PHLDB1: variants seen among roughly 807,000 people sequenced by gnomAD.
The protein encoded by PHLDB1 is pleckstrin homology-like domain family B member 1.
A neutral mutation model predicts 139.3 loss-of-function variants in PHLDB1; 65 were observed. The ratio of observed to expected loss-of-function variants is 0.47; its 90% confidence interval spans 0.38 to 0.57. PHLDB1 has a LOEUF of 0.57. PHLDB1 is among the 20% of genes least tolerant of loss of function. The probability of loss-of-function intolerance (pLI) is 0.00; values close to 1 mark genes in which losing one functional copy is unlikely to be tolerated. For missense variants in PHLDB1, 1,624 were observed against 1,839.7 expected (o/e 0.88, Z 2.14); for synonymous variants, 679 against 734.5 (o/e 0.92, Z 1.22).
Position 118,628,507 on chromosome 11 carries a change from C to A in PHLDB1, c.1684C>A (p.Leu562Ile), listed in dbSNP as rs1555106589. 6.2e-7 allele frequency: 1 copy of A among 1,613,158 alleles called. No homozygotes were observed. The highest frequency in any genetic ancestry group is 8.5e-7 in the Non-Finnish European group (1 of 1,180,026). Residue 562 changes from leucine to isoleucine, a missense_variant, in exon 6 of 23, where the codon CTC becomes ATC. Coordinates refer to ENST00000600882, the MANE Select transcript of PHLDB1 (RefSeq NM_001144758.3). ...CCAGAGTCCCTGTGTCCAGAGGAAG[C>A]TCTCCAGCGGGGACTTGCGGGTGCC... ...PCQSPCVQRKLSSGDLRVPVT... is the reference protein window; with the variant it reads ...PCQSPCVQRKISSGDLRVPVT...
intron 6 of PHLDB1, 105 bp downstream of exon 6, chr11:118,628,755 G>T (rs1944295781): frequency 1.2e-5 from 12 of 1,041,642 alleles, no homozygotes; most frequent in Non-Finnish European, 1.4e-6. Context: ...CAGGGCTTCG[G>T]CTTCTCAAGG....
intron 9 of PHLDB1, chr11:118,634,600 C>G (rs572469518): frequency 5.8e-6 from 1 of 172,512 alleles, no homozygotes; most frequent in Non-Finnish European, 1.2e-5. Context: ...GCCCTGCCCC[C>G]ACACCTCTGC....
chr11:118,645,555 C>T lies in PHLDB1; in HGVS notation c.3321C>T (p.His1107=), dbSNP rs782091162. The T allele has an allele frequency of 1.2e-5, 19 of 1,613,474 alleles. No homozygotes were observed. In the East Asian group the frequency reaches 2.0e-4, roughly 17 times the overall value. ...GGGAGCGTGGGGAGGAGGGTGAGCA[C>T]GCCTATGATACGCTGAGTCTGGAGA... is the stretch of plus-strand genomic sequence containing the variant. ...AGRERGEEGE[H]AYDTLSLESS... The change falls in exon 16 of 23, where the codon CAC becomes CAT. Residue 1107 remains histidine, a synonymous_variant. Coordinates refer to ENST00000600882, the MANE Select transcript of PHLDB1 (RefSeq NM_001144758.3). The surrounding 1 kb of genome is among the most constrained non-coding windows in gnomAD (Gnocchi z 5.1).
At chr11:118,649,708 G>A (rs782285319) in intron 18 of PHLDB1, among the ~76,000 whole-genome samples, 50 of 152,092 alleles carry the variant, frequency 3.3e-4, no homozygotes, top group African/African-American at 1.2e-3. Flanking sequence ...GGTCCCATGC[G>A]AAGTCAGAAA....
rs782402085 is a variant in PHLDB1, at chr11:118,632,098, A to G, written c.2241+45A>G. 3 of 1,613,586 alleles carry G rather than the reference A, an allele frequency of 1.9e-6. No homozygotes were observed. The highest frequency in any genetic ancestry group is 2.5e-6 in the Non-Finnish European group (3 of 1,179,632). ...GCTGGACTCTTCCCTAGGCCAACTG[A>G]AGGCCCCAGAGAGGGGCCACAGTCA... On this transcript the variant is annotated intron_variant, in intron 8 of 22. Coordinates refer to ENST00000600882, the MANE Select transcript of PHLDB1 (RefSeq NM_001144758.3). The surrounding 1 kb of genome is among the most constrained non-coding windows in gnomAD (Gnocchi z 5.9).
chr11:118,615,257 A>G (rs1941386762), intron 3 of PHLDB1: 1 of 152,296 alleles, frequency 6.6e-6, no homozygotes, highest in Admixed American at 6.5e-5. Context: ...ACTGAGAGAA[A>G]CAGGAGAACA....
chr11:118,614,728 A>G (rs782286540), intron 3 of PHLDB1, 46 bp downstream of exon 3: 2 of 1,596,190 alleles, frequency 1.3e-6, no homozygotes, highest in East Asian at 2.3e-5. Context: ...CTATCCTTAT[A>G]GGCATTCCTG....
chr11:118,631,883 T>C (rs782798250), intron 7 of PHLDB1, 30 bp from the exon 8 acceptor site: 2 of 1,583,278 alleles, frequency 1.3e-6, no homozygotes, highest in Admixed American at 3.7e-5. Context: ...GCTCTAGGCT[T>C]CCTCAGTTGA....
intron 4 of PHLDB1, among the ~76,000 whole-genome samples, chr11:118,623,738 C>G (rs1253609106): frequency 6.6e-6 from 1 of 152,118 alleles, no homozygotes; most frequent in Non-Finnish European, 1.5e-5. Flanking sequence ...TGTTCCCTAT[C>G]TCAGTTTTTT....
chr11:118,641,379 T>G (rs954728243), intron 12 of PHLDB1: 1 of 179,006 alleles, frequency 5.6e-6, no homozygotes, highest in Non-Finnish European at 1.2e-5. Context: ...AGGTTGGGAG[T>G]GGTTTCTTTT....
At chr11:118,618,693 A>ACGAT (rs1942159457) in intron 4 of PHLDB1, among the ~76,000 whole-genome samples, 1 of 151,848 alleles carries the variant, frequency 6.6e-6, no homozygotes. Context: ...TATATACAAG[A>ACGAT]CGATCATTTT....
chr11:118,638,645 G>A (rs1197893712), intron 10 of PHLDB1, among the ~76,000 whole-genome samples: 1 of 152,138 alleles, frequency 6.6e-6, no homozygotes, highest in African/African-American at 2.4e-5. Flanking sequence ...GTAAGGGAAG[G>A]GAGATTTGAG....
intron 7 of PHLDB1, 24 bp downstream of exon 7, chr11:118,631,503 CAAAG>C: frequency 1.4e-6 from 2 of 1,417,738 alleles, no homozygotes; most frequent in Non-Finnish European, 9.2e-7. Context: ...GTAGGCAAGA[CAAAG>C]AGGCTGAAGT....
At chr11:118,656,526 C>T (rs1052930500) in intron 22 of PHLDB1, among the ~76,000 whole-genome samples, 157 bp from the exon 23 acceptor site, 2 of 152,114 alleles carry the variant, frequency 1.3e-5, no homozygotes, top group South Asian at 4.1e-4. Context: ...GCCTGGGGCT[C>T]ACATGGACTG....
At chr11:118,644,645 A>C (rs1326503322) in intron 15 of PHLDB1, 3 of 1,288,832 alleles carry the variant, frequency 2.3e-6, no homozygotes, top group Non-Finnish European at 3.0e-6. Context: ...CCCCCACGCC[A>C]GTCGAGTCGC....
intron 5 of PHLDB1, among the ~76,000 whole-genome samples, chr11:118,625,649 T>G (rs1331650650): frequency 1.3e-5 from 2 of 152,216 alleles, no homozygotes; most frequent in Admixed American, 6.5e-5. Flanking sequence ...GTTTACCATC[T>G]CAGACTTTGC....
Position 118,613,897 on chromosome 11 carries a change from G to A in PHLDB1, c.60+1G>A. On this transcript the variant is annotated splice_donor_variant, in intron 2 of 22. Transcript: ENST00000600882. LOFTEE classifies it high-confidence loss of function. ...ATGCCAGACCCAGACCATGGTGCAGGTGAGTGGGATCAGGGCTGTGAGGCA... is the reference window on the plus strand; with the variant it reads ...ATGCCAGACCCAGACCATGGTGCAGATGAGTGGGATCAGGGCTGTGAGGCA... 6.3e-7 allele frequency: 1 copy of A among 1,595,592 alleles called. No individual in the cohort carries two copies. The highest frequency in any genetic ancestry group is 8.6e-7 in the Non-Finnish European group (1 of 1,163,766).
In PHLDB1 at chr11:118,645,735, C is replaced by A. The variant is rs117826294; in HGVS notation, c.3417C>A (p.Ser1139Arg). 4 of 1,612,974 alleles carry A rather than the reference C, an allele frequency of 2.5e-6. No homozygotes were observed. Among genetic ancestry groups the A allele is most frequent in the Non-Finnish European group, 3.4e-6 (4 of 1,178,948 alleles). The change falls in exon 17 of 23, where the codon AGC (serine) becomes AGA (arginine). Residue 1139 changes from serine to arginine, a missense_variant and splice_region_variant. Physicochemically the swap from Ser to Arg is moderately radical, Grantham distance 110. Transcript: ENST00000600882. This position sits in a 1 kb window ranked among gnomAD's most constrained non-coding sequence, Gnocchi z 5.1. Reference sequence around the variant, plus strand: ...CTTCCTCTTCCCCTTCTCTCCCCAGCGCGAGTGGTCTGGACATGGGGAAGA... The same window carrying A: ...CTTCCTCTTCCCCTTCTCTCCCCAGAGCGAGTGGTCTGGACATGGGGAAGA... The part of the protein sequence containing the change: ...NSACSPDNMS[S>R]ASGLDMGKIE...
intron 12 of PHLDB1, chr11:118,640,605 C>T (rs1946352296): frequency 6.5e-6 from 1 of 152,808 alleles, no homozygotes. Flanking sequence ...GTGATGTCTC[C>T]ACCTTCCCCC....
Sources: gnomAD v4.1 joint callset for allele counts (sites outside exome capture counted in the v4.1 genomes callset) on GRCh38, gnomAD v4.1.1 for gene constraint, Gnocchi (gnomAD v3.1) non-coding constraint, MANE v1.5 for transcripts, NCBI Gene and HGNC (gene_info 2026-07-23, HGNC 2026-07-21) for gene names.